The following CREM variants were observed in gnomAD, a reference collection of about 807,000 sequenced individuals.
CREM encodes cAMP responsive element modulator, also known as cAMP-responsive element modulator.
CREM carries 13 observed loss-of-function variants against 37.3 expected under a neutral mutation model. The ratio of observed to expected loss-of-function variants is 0.35; its 90% CI spans 0.23 to 0.55. The LOEUF is 0.55. CREM is among the 20% of genes least tolerant of loss of function. CREM has a pLI of 0.88. For missense variants in CREM, 296 were observed against 362.3 expected (o/e 0.82, Z 1.49); for synonymous variants, 124 against 120.2 (o/e 1.03, Z -0.21).
At chr10:35,153,790 G>T (rs1380477180) in intron 3 of CREM, among the ~76,000 whole-genome samples, 6 of 152,188 alleles carry the variant, frequency 3.9e-5, no homozygotes, top group Non-Finnish European at 8.8e-5. Flanking sequence ...CAAAAGGGGG[G>T]AAGGAAACTC....
At chr10:35,195,916 A>G in intron 6 of CREM, 1 of 697,500 alleles carries the variant, frequency 1.4e-6, no homozygotes, top group South Asian at 1.8e-5. Flanking sequence ...AATGCTGCTG[A>G]CAGATTTAGA....
intron 5 of CREM, among the ~76,000 whole-genome samples, chr10:35,182,646 C>T (rs1002743852): frequency 6.6e-6 from 1 of 152,094 alleles, no homozygotes; most frequent in Non-Finnish European, 1.5e-5. Flanking sequence ...AGATATTTGG[C>T]AGAAGTTGGC....
intron 3 of CREM, among the ~76,000 whole-genome samples, chr10:35,169,351 T>C (rs1264143248): frequency 6.6e-6 from 1 of 152,220 alleles, no homozygotes; most frequent in Non-Finnish European, 1.5e-5. Flanking sequence ...TTTTATTCTC[T>C]TTGAAGCAAT....
intron 3 of CREM, chr10:35,171,452 A>T (rs1034296509): frequency 6.6e-6 from 1 of 152,146 alleles, no homozygotes; most frequent in Non-Finnish European, 1.5e-5. Context: ...GATTACAGTC[A>T]TGAGGACTTA....
intron 6 of CREM, among the ~76,000 whole-genome samples, chr10:35,188,807 G>A (rs1006642283): frequency 1.3e-5 from 2 of 151,912 alleles, no homozygotes; most frequent in Admixed American, 1.3e-4. Context: ...ACAGGCATGA[G>A]CCACCACGCC....
chr10:35,138,593 C>T (rs1186756742), intron 2 of CREM, among the ~76,000 whole-genome samples: 3 of 147,818 alleles, frequency 2.0e-5, no homozygotes, highest in African/African-American at 7.5e-5. Context: ...ATGGCACAAT[C>T]TTGGCTCAGT....
At chr10:35,150,991 G>C (rs1359986103) in intron 3 of CREM, among the ~76,000 whole-genome samples, 7 of 152,116 alleles carry the variant, frequency 4.6e-5, no homozygotes, top group Admixed American at 4.6e-4. Context: ...ACAGAAACTA[G>C]GTTTTAGTAG....
intron 3 of CREM, among the ~76,000 whole-genome samples, chr10:35,150,973 A>G (rs1446117593): frequency 1.3e-5 from 2 of 151,984 alleles, no homozygotes; most frequent in African/African-American, 4.8e-5. Context: ...TGAATAGGAG[A>G]CCAGTGGACA....
intron 3 of CREM, chr10:35,175,530 CT>C (rs1589926318): frequency 2.8e-6 from 2 of 703,464 alleles, no homozygotes; most frequent in Non-Finnish European, 4.9e-6. Flanking sequence ...CTAAGAAAGG[CT>C]TCACTGTTAG....
chr10:35,190,669 A>AT (rs60740269), intron 6 of CREM, among the ~76,000 whole-genome samples: 2,178 of 150,086 alleles, frequency 0.015, 54 homozygotes, highest in African/African-American at 0.05. Context: ...GACTGCATTA[A>AT]TTTTTTTTTT....
chr10:35,139,343 C>T (rs1453157202), intron 2 of CREM, among the ~76,000 whole-genome samples: 2 of 152,202 alleles, frequency 1.3e-5, no homozygotes, highest in Non-Finnish European at 2.9e-5. Context: ...TGGCCTCAAA[C>T]TCCTGACCTC....
intron 3 of CREM, among the ~76,000 whole-genome samples, chr10:35,176,652 G>A (rs1326008405): frequency 4.6e-5 from 7 of 152,062 alleles, no homozygotes; most frequent in Admixed American, 3.3e-4. Context: ...CTCGTGATCC[G>A]CCTGTCTCGG....
At chr10:35,166,688 C>G (rs1158420665) in intron 3 of CREM, among the ~76,000 whole-genome samples, 6 of 152,034 alleles carry the variant, frequency 3.9e-5, no homozygotes, top group Non-Finnish European at 8.8e-5. Context: ...AACATTGTGC[C>G]ACTGAACCGC....
Position 35,211,262 on chromosome 10 carries a change from C to T in CREM, c.764C>T (p.Ala255Val). ...CCTTGTGTTGCTTCCAGGGAAGCTGCCCGGGAGTGTCGCAGGAAGAAGAAA... is the reference window on the plus strand; with the variant it reads ...CCTTGTGTTGCTTCCAGGGAAGCTGTCCGGGAGTGTCGCAGGAAGAAGAAA... ...ELRLMKNREA[A>V]RECRRKKKEY... is the part of the protein sequence containing the mutation. The change falls in exon 8 of 8, where the codon GCC becomes GTC. Residue 255 changes from alanine to valine, a missense_variant. This residue lies in a region of CREM where 39 missense variants were observed against 82.0 expected (regional missense o/e 0.48). Transcript: ENST00000685392. The T allele has an allele frequency of 6.2e-7, 1 of 1,613,312 alleles. No homozygotes were observed. Among genetic ancestry groups the T allele is most frequent in the Non-Finnish European group, 8.5e-7 (1 of 1,179,532 alleles).
intron 5 of CREM, among the ~76,000 whole-genome samples, chr10:35,182,021 T>A: frequency 6.6e-6 from 1 of 152,230 alleles, no homozygotes; most frequent in East Asian, 1.9e-4. Flanking sequence ...ATGTACAGTC[T>A]GCAGGTAAAA....
chr10:35,198,062 T>A (rs1198987046), intron 6 of CREM, among the ~76,000 whole-genome samples: 1 of 152,224 alleles, frequency 6.6e-6, no homozygotes, highest in Non-Finnish European at 1.5e-5. Flanking sequence ...GTCCTTTTTT[T>A]AAAATGCTAT....
chr10:35,159,293 G>A (rs2093141738), intron 3 of CREM, among the ~76,000 whole-genome samples: 1 of 151,582 alleles, frequency 6.6e-6, no homozygotes, highest in East Asian at 1.9e-4. Flanking sequence ...AAAGAACAAA[G>A]CTGAAGGCAT....
At chr10:35,167,872 AAATAT>A (rs1171162250) in intron 3 of CREM, 8 of 1,339,036 alleles carry the variant, frequency 6.0e-6, no homozygotes, top group Non-Finnish European at 8.5e-6. Context: ...AAAAATTGTG[AAATAT>A]AAAATAACAT....
intron 3 of CREM, among the ~76,000 whole-genome samples, chr10:35,166,084 A>C (rs2093537331): frequency 6.6e-6 from 1 of 152,130 alleles, no homozygotes; most frequent in Non-Finnish European, 1.5e-5. Context: ...TGCGCTATAC[A>C]TAAAAAAAAG....
Sources: gnomAD v4.1 joint callset for allele counts (sites outside exome capture counted in the v4.1 genomes callset) on GRCh38, gnomAD v4.1.1 for gene constraint, gnomAD v4.1.1 regional missense constraint, MANE v1.5 for transcripts, NCBI Gene and HGNC (gene_info 2026-07-23, HGNC 2026-07-21) for gene names.